Variants in CDK14 observed in about 807,000 individuals in gnomAD.
CDK14 encodes the protein cyclin-dependent kinase 14.
A neutral mutation model predicts 60.7 loss-of-function variants in CDK14; 34 were observed. That is an observed-to-expected ratio of 0.56 (90% CI 0.43 to 0.75). The LOEUF (loss-of-function observed/expected upper bound fraction) is 0.75, where lower values mean the gene tolerates loss of function less well. Ranked by LOEUF, CDK14 falls within the 30% of genes least tolerant of loss-of-function variation. The pLI, the probability that CDK14 is intolerant of heterozygous loss-of-function variation, is 0.00. For missense variants in CDK14, 482 were observed against 564.1 expected, an observed-to-expected ratio of 0.85 and a Z score of 1.47; for synonymous variants, 197 against 203.7, an observed-to-expected ratio of 0.97 and a Z score of 0.28.
intron 6 of CDK14, among the ~76,000 whole-genome samples, chr7:90,896,572 C>A (rs1339656169): frequency 2.0e-5 from 3 of 151,966 alleles, no homozygotes; most frequent in Non-Finnish European, 2.9e-5. Context: ...TAAATGGTTT[C>A]TAGGTAACAA....
intron 8 of CDK14, among the ~76,000 whole-genome samples, chr7:90,934,047 G>C (rs191115596): frequency 6.6e-6 from 1 of 152,366 alleles, no homozygotes; most frequent in East Asian, 1.9e-4. Context: ...AGGCAGACTT[G>C]TTTCCATCCA....
At chr7:90,697,992 C>G (rs1361648375) in intron 2 of CDK14, among the ~76,000 whole-genome samples, 1 of 133,864 alleles carries the variant, frequency 7.5e-6, no homozygotes, top group Non-Finnish European at 1.5e-5. Flanking sequence ...GGTGTGAACC[C>G]AGGAGGTGGA....
chr7:90,759,474 G>A (rs937585534), intron 4 of CDK14, among the ~76,000 whole-genome samples: 1 of 152,228 alleles, frequency 6.6e-6, no homozygotes, highest in African/African-American at 2.4e-5. Context: ...TGATCTGGGA[G>A]GATTGGTGGT....
At chr7:91,044,210 T>C (rs1157074316) in intron 10 of CDK14, among the ~76,000 whole-genome samples, 1 of 152,072 alleles carries the variant, frequency 6.6e-6, no homozygotes, top group Non-Finnish European at 1.5e-5. Context: ...AGATGTATAT[T>C]GGTTCAGTCC....
At chr7:91,034,211 C>G (rs906639442) in intron 10 of CDK14, among the ~76,000 whole-genome samples, 13 of 152,102 alleles carry the variant, frequency 8.5e-5, no homozygotes, top group African/African-American at 2.7e-4. Context: ...CTCTGAGAGA[C>G]TGTCTAGTTA....
At chr7:90,921,624 A>T (rs1053330235) in intron 8 of CDK14, among the ~76,000 whole-genome samples, 2 of 152,156 alleles carry the variant, frequency 1.3e-5, no homozygotes, top group African/African-American at 4.8e-5. Flanking sequence ...GACTAAGTGG[A>T]GTATTAGTCA....
chr7:90,680,858 A>T (rs189386645), intron 2 of CDK14, among the ~76,000 whole-genome samples: 1 of 152,312 alleles, frequency 6.6e-6, no homozygotes, highest in East Asian at 1.9e-4. Flanking sequence ...GAAAGAACTC[A>T]CTTTTAATGG....
At chr7:90,833,656 TA>T (rs1300574605) in intron 5 of CDK14, among the ~76,000 whole-genome samples, 1 of 152,196 alleles carries the variant, frequency 6.6e-6, no homozygotes, top group African/African-American at 2.4e-5. Context: ...TATTGTTGGA[TA>T]AAGCACCAGA....
intron 1 of CDK14, chr7:90,597,440 TGTAATAGG>T (rs1319256170): frequency 1.3e-5 from 2 of 152,222 alleles, no homozygotes; most frequent in Non-Finnish European, 2.9e-5. Context: ...TGTCACAGGT[TGTAATAGG>T]GTGACAGCAG....
At chr7:91,199,334 TAA>T (rs574926014) in intron 14 of CDK14, among the ~76,000 whole-genome samples, 2 of 151,342 alleles carry the variant, frequency 1.3e-5, no homozygotes. Flanking sequence ...GTTTTTTTAT[TAA>T]AAAAAAAGAT....
intron 5 of CDK14, among the ~76,000 whole-genome samples, chr7:90,819,037 G>T (rs1288963900): frequency 6.6e-6 from 1 of 152,042 alleles, no homozygotes; most frequent in Admixed American, 6.6e-5. Flanking sequence ...ATAAACCCGT[G>T]TGTTGCTTTT....
At chr7:90,903,777 T>C (rs764508191) in intron 7 of CDK14, among the ~76,000 whole-genome samples, 1 of 152,174 alleles carries the variant, frequency 6.6e-6, no homozygotes, top group African/African-American at 2.4e-5. Flanking sequence ...TAAATACCCA[T>C]CATTATACAT....
At chr7:90,791,906 T>C (rs1805847319) in intron 5 of CDK14, among the ~76,000 whole-genome samples, 1 of 150,524 alleles carries the variant, frequency 6.6e-6, no homozygotes, top group Non-Finnish European at 1.5e-5. Context: ...AGGGCTTCTT[T>C]TTTTTTTTTT....
At chr7:90,814,188 G>A (rs2117054020) in intron 5 of CDK14, among the ~76,000 whole-genome samples, 1 of 152,252 alleles carries the variant, frequency 6.6e-6, no homozygotes, top group African/African-American at 2.4e-5. Flanking sequence ...GACTGTAATT[G>A]CCAAAGTCTG....
At chr7:90,677,490 G>C (rs2116550741) in intron 2 of CDK14, among the ~76,000 whole-genome samples, 1 of 152,304 alleles carries the variant, frequency 6.6e-6, no homozygotes, top group East Asian at 1.9e-4. Context: ...ATAGAGAGAT[G>C]TTTGTAAAAT....
chr7:90,795,330 T>G (rs1806016079), intron 5 of CDK14, among the ~76,000 whole-genome samples: 1 of 152,142 alleles, frequency 6.6e-6, no homozygotes, highest in Admixed American at 6.5e-5. Context: ...CTTATGCTGA[T>G]TCTGTACATA....
At chr7:90,879,165 G>A (rs999567897) in intron 6 of CDK14, among the ~76,000 whole-genome samples, 12 of 152,178 alleles carry the variant, frequency 7.9e-5, no homozygotes, top group African/African-American at 2.9e-4. Context: ...CCACTCCAGA[G>A]AGAGCCGATG....
chr7:90,994,264 C>A lies in CDK14; in HGVS notation c.1041+10023C>A, dbSNP rs1795617140. Among the ~76,000 whole-genome samples the A allele has an allele frequency of 2.6e-5, 4 of 152,178 alleles. 1 individual carries two copies. In the South Asian group the frequency reaches 8.3e-4, roughly 32 times the overall value. On this transcript the variant is annotated intron_variant, in intron 10 of 14. Transcript: ENST00000380050. ...AGCCAAACATTCCTGTTTCTTTCTT[C>A]AGAGTCTTAGGGCTCTCCAAGGGTT...
intron 4 of CDK14, among the ~76,000 whole-genome samples, chr7:90,773,323 C>T (rs1804863383): frequency 6.6e-6 from 1 of 152,098 alleles, no homozygotes; most frequent in Non-Finnish European, 1.5e-5. Flanking sequence ...GAACCTGCCT[C>T]TTCTAGTTGT....
Sources: allele counts gnomAD v4.1 joint callset (sites outside exome capture counted in the v4.1 genomes callset), GRCh38; gene constraint gnomAD v4.1.1; transcripts MANE v1.5; gene names NCBI Gene and HGNC (gene_info 2026-07-23, HGNC 2026-07-21).